The following SPEN variants were observed in gnomAD, a reference collection of about 807,000 sequenced individuals.
SPEN encodes spen family transcriptional repressor.
Under a neutral mutation model 269.9 loss-of-function variants are expected in SPEN, and 18 were observed. The observed-to-expected ratio is 0.07, with a 90% CI of 0.05 to 0.10. SPEN has a LOEUF of 0.10. Ranked by LOEUF, SPEN falls within the 10% of genes least tolerant of loss-of-function variation. The pLI, the probability that SPEN is intolerant of heterozygous loss-of-function variation, is 1.00. For synonymous variants in SPEN, 1,726 were observed against 1,765.7 expected, an observed-to-expected ratio of 0.98 and a Z score of 0.56; for missense variants, 3,822 against 4,631.2, an observed-to-expected ratio of 0.83 and a Z score of 5.07.
Position 15,929,189 on chromosome 1 carries a change from C to G in SPEN, c.2949C>G (p.Ala983=), listed in dbSNP as rs750640739. ...CTGTGGATCTGGAGAAGCTGGAAGC[C>G]AGGAAAAGGCGCTTTGCAGATTCCA... ...VSAVDLEKLE[A]RKRRFADSNL... is the part of the protein sequence containing the mutation. Residue 983 remains alanine, a synonymous_variant, in exon 11 of 15, where the codon GCC becomes GCG. Coordinates refer to ENST00000375759, the MANE Select transcript of SPEN (RefSeq NM_015001.3). The surrounding 1 kb of genome is among the most constrained non-coding windows in gnomAD (Gnocchi z 5.8). 18 of 1,614,006 alleles carry G rather than the reference C, an allele frequency of 1.1e-5. No homozygotes were observed. Among genetic ancestry groups the G allele is most frequent in the African/African-American group, 1.1e-4 (8 of 74,898 alleles).
intron 1 of SPEN, among the ~76,000 whole-genome samples, chr1:15,859,035 T>G (rs1341321911): frequency 2.0e-5 from 3 of 152,220 alleles, no homozygotes; most frequent in African/African-American, 7.2e-5. Context: ...AAATGAATCC[T>G]TCTGCTAACC....
Position 15,935,608 on chromosome 1 carries a change from C to T in SPEN, c.9368C>T (p.Pro3123Leu), listed in dbSNP as rs779326109. 1.4e-5 allele frequency: 22 copies of T among 1,614,012 alleles called. No homozygotes were observed. Among genetic ancestry groups the T allele is most frequent in the Middle Eastern group, 1.6e-4 (1 of 6,084 alleles). The change falls in exon 11 of 15, where the codon CCG becomes CTG. Residue 3123 changes from proline (P) to leucine (L), a missense_variant. Around this residue, in one of 16 missense-constraint regions of SPEN, gnomAD observed 153 missense variants for 228.5 expected, o/e 0.67. Transcript: ENST00000375759. This position sits in a 1 kb window ranked among gnomAD's most constrained non-coding sequence, Gnocchi z 7.7. ...RPEALHSPRA[P>L]LQPQQIEVRA... ...GAAGCGCTTCACTCTCCTCGGGCTCCGCTGCAGCCCCAGCAAATAGAGGTC... is the reference window on the plus strand; with the variant it reads ...GAAGCGCTTCACTCTCCTCGGGCTCTGCTGCAGCCCCAGCAAATAGAGGTC...
chr1:15,859,905 CTTTTTTTTTTTTT>C (rs34195453), intron 1 of SPEN, among the ~76,000 whole-genome samples: 3 of 79,620 alleles, frequency 3.8e-5, no homozygotes, highest in East Asian at 4.5e-4. Flanking sequence ...CAGTTAACAT[CTTTTTTTTTTTTT>C]TTTTTTTTTT....
chr1:15,858,175 A>G (rs1248011435), intron 1 of SPEN, among the ~76,000 whole-genome samples: 1 of 151,828 alleles, frequency 6.6e-6, no homozygotes, highest in Non-Finnish European at 1.5e-5. Flanking sequence ...GCTGGTCTTG[A>G]ACTCCTGGGC....
intron 3 of SPEN, among the ~76,000 whole-genome samples, chr1:15,900,111 G>T (rs1157111444): frequency 6.6e-6 from 1 of 152,144 alleles, no homozygotes. Context: ...CTACCAAAGT[G>T]CTGGGATTAC....
intron 3 of SPEN, among the ~76,000 whole-genome samples, chr1:15,900,405 G>A (rs181466822): frequency 2.3e-3 from 346 of 152,198 alleles, no homozygotes; most frequent in African/African-American, 7.9e-3. Flanking sequence ...GTATGAGTAA[G>A]CAATATTGTA....
intron 4 of SPEN, among the ~76,000 whole-genome samples, chr1:15,910,283 G>C (rs1413193079): frequency 6.6e-6 from 1 of 151,980 alleles, no homozygotes; most frequent in African/African-American, 2.4e-5. Context: ...AAATTGGCTT[G>C]CCTTTCTATA....
intron 3 of SPEN, among the ~76,000 whole-genome samples, chr1:15,894,533 G>GTTTTTTTTTTTTTTTTTTTTT (rs35841965): frequency 7.4e-6 from 1 of 136,014 alleles, no homozygotes; most frequent in African/African-American, 3.0e-5. Context: ...CCATATTATG[G>GTTTTTTTTTTTTTTTTTTTTT]TTGTTTTTTT....
At position 15,848,196 on chromosome 1, in the gene SPEN, C is replaced by A; in HGVS notation, c.83+46C>A. 1.5e-6 allele frequency: 2 copies of A among 1,352,282 alleles called. No homozygotes were observed. Among genetic ancestry groups the A allele is most frequent in the Non-Finnish European group, 9.9e-7 (1 of 1,009,090 alleles). 83.8% of individuals were successfully genotyped at this position (1,352,282 alleles called of 1,614,324 possible). On this transcript the variant is annotated intron_variant, in intron 1 of 14. Coordinates refer to ENST00000375759, the MANE Select transcript of SPEN (RefSeq NM_015001.3). The surrounding 1 kb of genome is among the most constrained non-coding windows in gnomAD (Gnocchi z 5.1). Reference sequence around the variant, plus strand: ...GGCCGCGCTCGCTCCTCGGGCGCCGCTTCCCGCCCCGGCCCGTTGCCGGCC... The same window carrying A: ...GGCCGCGCTCGCTCCTCGGGCGCCGATTCCCGCCCCGGCCCGTTGCCGGCC...
intron 1 of SPEN, among the ~76,000 whole-genome samples, chr1:15,849,130 T>C (rs900741226): frequency 6.6e-6 from 1 of 152,220 alleles, no homozygotes; most frequent in African/African-American, 2.4e-5. Flanking sequence ...ATAAAACACT[T>C]ATTAAAATGA....
rs1472688159 is a variant in SPEN at position 15,932,312 on chromosome 1, A to G, written c.6072A>G (p.Lys2024=). 2 of 1,610,324 alleles carry G rather than the reference A, an allele frequency of 1.2e-6. No individual in the cohort carries two copies. The highest frequency in any genetic ancestry group is 1.7e-5 in the Admixed American group (1 of 59,054). The change falls in exon 11 of 15, where the codon AAA becomes AAG. Residue 2024 remains lysine, a synonymous_variant. Transcript: ENST00000375759. This position sits in a 1 kb window ranked among gnomAD's most constrained non-coding sequence, Gnocchi z 4.2. The stretch of plus-strand genomic sequence containing the variant: ...AGGTGGGCCCCCAAATAGGCGTGAA[A>G]GAGAGCTCCATGGAACCCAAGGCTG... ...TTEVGPQIGV[K]ESSMEPKAAE...
chr1:15,913,401 A>G (rs1275023159), intron 5 of SPEN, among the ~76,000 whole-genome samples: 2 of 152,004 alleles, frequency 1.3e-5, no homozygotes, highest in Admixed American at 1.3e-4. Context: ...TTTTTTGCTA[A>G]CTGAATTTCC....
rs530237048 is a variant in SPEN at position 15,869,125 on chromosome 1, C to T, written c.84-3691C>T. ...AGGCTGGAGTGCAGTGGCGCGATCT[C>T]GGCTCACTGTAGTCTCTGCCTCCCA... On this transcript the variant is annotated intron_variant, in intron 1 of 14. Coordinates refer to ENST00000375759, the MANE Select transcript of SPEN (RefSeq NM_015001.3). Among the ~76,000 whole-genome samples, 6 of 151,988 alleles carry T rather than the reference C, an allele frequency of 3.9e-5. No individual in the cohort carries two copies. In the East Asian group the frequency reaches 9.7e-4, roughly 25 times the overall value.
chr1:15,921,467 C>T lies in SPEN; in HGVS notation c.1749+484C>T, dbSNP rs12064685. Among the ~76,000 whole-genome samples, 425 of 152,348 alleles carry T rather than the reference C, an allele frequency of 2.8e-3. 2 individuals are homozygous for T. The highest frequency in any genetic ancestry group is 9.8e-3 in the African/African-American group (407 of 41,584). On this transcript the variant is annotated intron_variant, in intron 9 of 14. Coordinates refer to ENST00000375759, the MANE Select transcript of SPEN (RefSeq NM_015001.3). ...TTTTATGCTCAGCTACTTGTGGGCA[C>T]AGCATCTTTAAACCATTAGCCACAG...
chr1:15,872,758 A>AACTC, intron 1 of SPEN, 58 bp from the exon 2 acceptor site: 1 of 1,429,500 alleles, frequency 7.0e-7, no homozygotes, highest in Non-Finnish European at 9.3e-7. Flanking sequence ...AAAAATCTAA[A>AACTC]AACTCATTTT....
chr1:15,893,749 A>G (rs1412129838), intron 3 of SPEN, among the ~76,000 whole-genome samples: 1 of 152,118 alleles, frequency 6.6e-6, no homozygotes, highest in African/African-American at 2.4e-5. Context: ...AAAACAAAAA[A>G]AAGCAAGCCA....
At chr1:15,894,979 G>GT (rs2070826598) in intron 3 of SPEN, among the ~76,000 whole-genome samples, 1 of 152,116 alleles carries the variant, frequency 6.6e-6, no homozygotes, top group Non-Finnish European at 1.5e-5. Context: ...CTGGAGTGCA[G>GT]TGGCGCGATC....
intron 3 of SPEN, among the ~76,000 whole-genome samples, chr1:15,897,733 A>T (rs1315412041): frequency 1.3e-5 from 2 of 152,094 alleles, no homozygotes; most frequent in Admixed American, 1.3e-4. Context: ...TCCTGACCTT[A>T]GGTGATCCAC....
rs1034015307 is a variant in SPEN, at chr1:15,940,089, GTATATATAAATATATAA to G, written c.*679_*695del. On this transcript the variant is annotated 3_prime_UTR_variant, in exon 15 of 15. Coordinates refer to ENST00000375759, the MANE Select transcript of SPEN (RefSeq NM_015001.3). ...GGGATATGCAGAACTTGGGATGTGT[GTATATATAAATATATAA>G]TATATATAAATATATATAATACTGA... The G allele has an allele frequency of 1.9e-5, 4 of 213,976 alleles. No homozygotes were observed. Among genetic ancestry groups the G allele is most frequent in the East Asian group, 1.4e-4 (2 of 14,568 alleles). 13.3% of individuals were successfully genotyped at this position (213,976 alleles called of 1,614,324 possible).
Sources: gnomAD v4.1 joint callset for allele counts (sites outside exome capture counted in the v4.1 genomes callset) on GRCh38, gnomAD v4.1.1 for gene constraint, gnomAD v4.1.1 regional missense constraint, Gnocchi (gnomAD v3.1) non-coding constraint, MANE v1.5 for transcripts, NCBI Gene and HGNC (gene_info 2026-07-23, HGNC 2026-07-21) for gene names.